The following CADM2 variants were observed in gnomAD, a reference collection of about 807,000 sequenced individuals.
CADM2 encodes the protein immunoglobulin superfamily member 4D.
A neutral mutation model predicts 49.8 loss-of-function variants in CADM2; 12 were observed. The observed-to-expected ratio is 0.24, with a 90% CI of 0.15 to 0.39. The LOEUF is 0.39. Ranked by LOEUF, CADM2 falls within the 10% of genes least tolerant of loss-of-function variation. CADM2 has a pLI of 1.00. For missense variants in CADM2, 378 were observed against 492.3 expected (o/e 0.77, Z 2.20); for synonymous variants, 214 against 175.4 (o/e 1.22, Z -1.74).
intron 1 of CADM2, among the ~76,000 whole-genome samples, chr3:85,520,413 A>G (rs2061004468): frequency 6.6e-6 from 1 of 151,994 alleles, no homozygotes; most frequent in Admixed American, 6.6e-5. Flanking sequence ...ATATATTAAT[A>G]TTTTAGTCCA....
At chr3:85,773,466 C>T (rs1437788918) in intron 2 of CADM2, among the ~76,000 whole-genome samples, 2 of 151,968 alleles carry the variant, frequency 1.3e-5, no homozygotes, top group Non-Finnish European at 2.9e-5. Flanking sequence ...ATCTATATCC[C>T]CAAATCTGTA....
intron 1 of CADM2, among the ~76,000 whole-genome samples, chr3:85,159,097 ACTTT>A (rs2040235108): frequency 6.6e-6 from 1 of 152,208 alleles, no homozygotes; most frequent in African/African-American, 2.4e-5. Flanking sequence ...CATATTTTAT[ACTTT>A]CTTTACTTAA....
chr3:85,133,447 G>C (rs1394348228), intron 1 of CADM2, among the ~76,000 whole-genome samples: 1 of 152,008 alleles, frequency 6.6e-6, no homozygotes. Flanking sequence ...GTTCTCCAAG[G>C]CCCCACCAGA....
At chr3:86,058,993 C>T (rs1441076909) in intron 8 of CADM2, among the ~76,000 whole-genome samples, 2 of 150,904 alleles carry the variant, frequency 1.3e-5, no homozygotes, top group Admixed American at 1.3e-4. Context: ...ACTTGGGTGG[C>T]TGAGGCAGGA....
chr3:85,539,265 A>G (rs2061488949), intron 1 of CADM2, among the ~76,000 whole-genome samples: 1 of 150,568 alleles, frequency 6.6e-6, no homozygotes, highest in African/African-American at 2.4e-5. Flanking sequence ...TTATATGGAA[A>G]CATTTCTCAA....
chr3:85,185,519 A>G (rs1485251369), intron 1 of CADM2, among the ~76,000 whole-genome samples: 2 of 152,120 alleles, frequency 1.3e-5, no homozygotes, highest in African/African-American at 4.8e-5. Context: ...ATTATTTATC[A>G]TAGTATGATA....
At chr3:84,997,570 TGA>T (rs1254864961) in intron 1 of CADM2, among the ~76,000 whole-genome samples, 35 of 152,152 alleles carry the variant, frequency 2.3e-4, no homozygotes, top group African/African-American at 7.9e-4. Flanking sequence ...CTGAAATAAC[TGA>T]GTTTTTCTCT....
intron 1 of CADM2, among the ~76,000 whole-genome samples, chr3:85,308,732 C>G (rs181951520): frequency 2.2e-3 from 342 of 152,044 alleles, no homozygotes; most frequent in Middle Eastern, 6.8e-3. Flanking sequence ...GACCCATGTT[C>G]TAGTTCGTCT....
chr3:85,209,744 T>C (rs2041733928), intron 1 of CADM2, among the ~76,000 whole-genome samples: 1 of 151,966 alleles, frequency 6.6e-6, no homozygotes, highest in African/African-American at 2.4e-5. Context: ...TTCCAATTAG[T>C]CTGAAAGTGA....
intron 3 of CADM2, among the ~76,000 whole-genome samples, chr3:85,878,373 T>C (rs779928344): frequency 6.6e-6 from 1 of 152,110 alleles, no homozygotes; most frequent in Non-Finnish European, 1.5e-5. Flanking sequence ...AAACTTCATG[T>C]GTTCTGCTTT....
At chr3:85,046,182 C>A (rs75026929) in intron 1 of CADM2, among the ~76,000 whole-genome samples, 1 of 152,052 alleles carries the variant, frequency 6.6e-6, no homozygotes, top group Admixed American at 6.6e-5. Flanking sequence ...CTCATTCAAT[C>A]GGCCTCTGGT....
In CADM2 at chr3:85,999,268, G is replaced by GC. The variant is rs1187804123; in HGVS notation, c.970+37621_970+37622insC. On this transcript the variant is annotated intron_variant, in intron 8 of 9. Coordinates refer to ENST00000383699, the MANE Select transcript of CADM2 (RefSeq NM_001167675.2). ...AATCCCATCACTTTGGGAGGCCGAG[G>GC]GTTGGGGGGTGGATCACTTGAGTTC... Among the ~76,000 whole-genome samples, 11 of 146,738 alleles carry GC rather than the reference G, an allele frequency of 7.5e-5. 1 individual carries two copies. The highest frequency in any genetic ancestry group is 2.9e-4 in the African/African-American group (11 of 38,060).
chr3:85,502,772 G>A (rs1006402162), intron 1 of CADM2, among the ~76,000 whole-genome samples: 10 of 152,098 alleles, frequency 6.6e-5, no homozygotes, highest in Admixed American at 5.9e-4. Flanking sequence ...AAGTTGAAAG[G>A]AAATGAGAGC....
chr3:85,103,967 T>C (rs2038112339), intron 1 of CADM2, among the ~76,000 whole-genome samples: 1 of 152,116 alleles, frequency 6.6e-6, no homozygotes, highest in Admixed American at 6.6e-5. Flanking sequence ...AGAAATAAAT[T>C]TGATGATTTA....
intron 3 of CADM2, among the ~76,000 whole-genome samples, chr3:85,827,602 C>A (rs1406425307): frequency 2.6e-5 from 4 of 151,802 alleles, no homozygotes; most frequent in Non-Finnish European, 5.9e-5. Flanking sequence ...AATTCCATTT[C>A]TTTTATTGTG....
intron 1 of CADM2, among the ~76,000 whole-genome samples, chr3:85,465,244 A>C (rs769340937): frequency 1.3e-5 from 2 of 152,208 alleles, no homozygotes; most frequent in Non-Finnish European, 2.9e-5. Flanking sequence ...TAACAAGCAA[A>C]TCAGATCTTG....
Position 84,962,270 on chromosome 3 carries a change from AT to A in CADM2, c.61+2605del, listed in dbSNP as rs1252689829. On this transcript the variant is annotated intron_variant, in intron 1 of 9. Transcript: ENST00000383699. ...TGAATACACTAAAAGAGATACGAGG[AT>A]TTAAAAAAAAAAAAAAGAAAGAAAG... 1.1e-4 allele frequency among the ~76,000 whole-genome samples: 16 copies of A among 151,494 alleles called. No individual in the cohort carries two copies. In the South Asian group the frequency reaches 2.3e-3, roughly 22 times the overall value.
At chr3:85,873,495 G>C (rs189598844) in intron 3 of CADM2, among the ~76,000 whole-genome samples, 8 of 151,994 alleles carry the variant, frequency 5.3e-5, no homozygotes, top group East Asian at 1.9e-4. Flanking sequence ...GTGAAACTTC[G>C]TCTCTACTAA....
chr3:85,129,470 T>C (rs2039154064), intron 1 of CADM2, among the ~76,000 whole-genome samples: 1 of 152,218 alleles, frequency 6.6e-6, no homozygotes, highest in Non-Finnish European at 1.5e-5. Flanking sequence ...ATTGACTAAA[T>C]TTATAAAAAT....
Sources: gnomAD v4.1 joint callset for allele counts (sites outside exome capture counted in the v4.1 genomes callset) on GRCh38, gnomAD v4.1.1 for gene constraint, MANE v1.5 for transcripts, NCBI Gene and HGNC (gene_info 2026-07-23, HGNC 2026-07-21) for gene names.